Variants in SLC15A5 observed in about 807,000 individuals in gnomAD.
SLC15A5 encodes the protein solute carrier family 15 member 5.
SLC15A5 carries 58 observed loss-of-function variants against 56.1 expected under a neutral mutation model. That is an observed-to-expected ratio of 1.03 (90% CI 0.84 to 1.29). The LOEUF (loss-of-function observed/expected upper bound fraction) is 1.29, where lower values mean the gene tolerates loss of function less well. Ranked by LOEUF, SLC15A5 falls within the 50% of genes most tolerant of loss-of-function variation. SLC15A5 has a pLI of 0.00. For synonymous variants in SLC15A5, 264 were observed against 250.5 expected (o/e 1.05, Z -0.51); for missense variants, 681 against 672.1 (o/e 1.01, Z -0.15).
chr12:16,203,822 C>T (rs559286337), intron 7 of SLC15A5, among the ~76,000 whole-genome samples: 1 of 152,220 alleles, frequency 6.6e-6, no homozygotes, highest in Non-Finnish European at 1.5e-5. Flanking sequence ...AACTGAAATA[C>T]TCTTATAAAT....
At chr12:16,234,397 T>A (rs1470219324) in intron 5 of SLC15A5, among the ~76,000 whole-genome samples, 2 of 152,218 alleles carry the variant, frequency 1.3e-5, no homozygotes. Flanking sequence ...GATCTATGTT[T>A]GCTTCTTATT....
chr12:16,233,178 T>C (rs1864314702), intron 5 of SLC15A5, among the ~76,000 whole-genome samples: 1 of 152,178 alleles, frequency 6.6e-6, no homozygotes, highest in African/African-American at 2.4e-5. Context: ...ATTTTTTTGA[T>C]TGTTACTTGT....
At chr12:16,194,309 C>G (rs1020564776) in intron 8 of SLC15A5, 36 bp downstream of exon 8, 31 of 1,380,496 alleles carry the variant, frequency 2.2e-5, no homozygotes, top group Non-Finnish European at 2.8e-5. Flanking sequence ...ATTTCATGGA[C>G]TCAGAAATTT....
At chr12:16,202,660 A>T (rs763662895) in intron 7 of SLC15A5, among the ~76,000 whole-genome samples, 18 of 152,136 alleles carry the variant, frequency 1.2e-4, no homozygotes, top group African/African-American at 4.1e-4. Flanking sequence ...AAATTTTAGG[A>T]TACTCTCAGT....
chr12:16,255,216 G>A (rs1864558608), intron 3 of SLC15A5, among the ~76,000 whole-genome samples: 1 of 151,916 alleles, frequency 6.6e-6, no homozygotes, highest in South Asian at 2.1e-4. Flanking sequence ...GATAAAGATG[G>A]TAAATTTTAT....
At chr12:16,219,291 A>G (rs981396274) in intron 6 of SLC15A5, among the ~76,000 whole-genome samples, 7 of 152,168 alleles carry the variant, frequency 4.6e-5, no homozygotes, top group African/African-American at 9.6e-5. Context: ...TGTAGTACCA[A>G]TCACCAGCAG....
chr12:16,192,165 T>G (rs547261527), intron 8 of SLC15A5, among the ~76,000 whole-genome samples: 73 of 152,158 alleles, frequency 4.8e-4, no homozygotes, highest in Middle Eastern at 3.4e-3. Context: ...AAGAAGGTGG[T>G]GGGGAGTAAG....
chr12:16,236,946 A>G (rs1425628040), intron 5 of SLC15A5, among the ~76,000 whole-genome samples: 3 of 152,226 alleles, frequency 2.0e-5, no homozygotes, highest in East Asian at 3.8e-4. Context: ...CCTTAAAATT[A>G]GAAAACCTGT....
At chr12:16,259,320 T>A (rs1864615854) in intron 2 of SLC15A5, among the ~76,000 whole-genome samples, 1 of 151,610 alleles carries the variant, frequency 6.6e-6, no homozygotes, top group Admixed American at 6.6e-5. Context: ...CTTCATTCTT[T>A]CCTTCCCTCC....
intron 3 of SLC15A5, among the ~76,000 whole-genome samples, chr12:16,247,632 G>A (rs529370354): frequency 7.9e-5 from 12 of 152,138 alleles, no homozygotes; most frequent in South Asian, 4.2e-4. Flanking sequence ...GCAAAGAGAC[G>A]TAGGAAACAT....
intron 5 of SLC15A5, among the ~76,000 whole-genome samples, chr12:16,228,683 A>G (rs1056079604): frequency 2.6e-5 from 4 of 152,216 alleles, no homozygotes; most frequent in Non-Finnish European, 1.5e-5. Flanking sequence ...GTGTGAAGAC[A>G]GTGAAGTTAA....
intron 2 of SLC15A5, among the ~76,000 whole-genome samples, chr12:16,259,023 CCTTTTTTTTT>C (rs1864611089): frequency 2.1e-5 from 1 of 48,258 alleles, no homozygotes; most frequent in African/African-American, 7.5e-5. Flanking sequence ...TTCTTTCTTT[CCTTTTTTTTT>C]TTTTTTTTTT....
chr12:16,271,374 G>C lies in SLC15A5; in HGVS notation c.584+1187C>G, dbSNP rs1434809001. Among the ~76,000 whole-genome samples, 3 of 152,006 alleles carry C rather than the reference G, an allele frequency of 2.0e-5. No homozygotes were observed. Among genetic ancestry groups the C allele is most frequent in the Non-Finnish European group, 2.9e-5 (2 of 68,002 alleles). ...TAATCAAAATGATGTTGCTAATTAA[G>C]GATTAAAACCTCCGAATAGAATAAA... is the stretch of plus-strand genomic sequence containing the variant. On this transcript the variant is annotated intron_variant, in intron 2 of 8. Transcript: ENST00000344941. This position sits in a 1 kb window ranked among gnomAD's most constrained non-coding sequence, Gnocchi z 8.0.
chr12:16,274,463 CA>C (rs1372630265), intron 1 of SLC15A5, among the ~76,000 whole-genome samples: 2 of 152,054 alleles, frequency 1.3e-5, no homozygotes, highest in Non-Finnish European at 2.9e-5. Context: ...TTTGTTTTCT[CA>C]ATTAGATTAT....
At chr12:16,214,757 T>C (rs1343964080) in intron 7 of SLC15A5, among the ~76,000 whole-genome samples, 1 of 152,180 alleles carries the variant, frequency 6.6e-6, no homozygotes, top group East Asian at 1.9e-4. Flanking sequence ...TAATAAACAG[T>C]AATTATAAAT....
chr12:16,247,526 A>C (rs973974916), intron 3 of SLC15A5, among the ~76,000 whole-genome samples: 1 of 152,124 alleles, frequency 6.6e-6, no homozygotes, highest in Non-Finnish European at 1.5e-5. Context: ...CTATGATGAA[A>C]ACACAGTGGG....
At chr12:16,241,806 A>G (rs1864416834) in intron 4 of SLC15A5, among the ~76,000 whole-genome samples, 1 of 146,230 alleles carries the variant, frequency 6.8e-6, no homozygotes, top group African/African-American at 2.6e-5. Flanking sequence ...TATTATCGGC[A>G]TGAATCACAG....
Position 16,244,715 on chromosome 12 carries a change from C to T in SLC15A5, c.840G>A (p.Val280=). Residue 280 remains valine, a synonymous_variant, in exon 4 of 9, where the codon GTG becomes GTA. Coordinates refer to ENST00000344941, the MANE Select transcript of SLC15A5 (RefSeq NM_001170798.1). ...HPQYCHLGRD[V]TSQLDHAKEK... is the part of the protein sequence containing the mutation. Reference sequence around the variant, plus strand: ...CTTTGGCATGGTCTAACTGGCTTGTCACGTCTCTGCCAAGATGGCAGTATT... The same window carrying T: ...CTTTGGCATGGTCTAACTGGCTTGTTACGTCTCTGCCAAGATGGCAGTATT... 1 of 1,537,566 alleles carries T rather than the reference C, an allele frequency of 6.5e-7. No individual in the cohort carries two copies. The highest frequency in any genetic ancestry group is 8.7e-7 in the Non-Finnish European group (1 of 1,146,996).
At position 16,277,386 on chromosome 12, in the gene SLC15A5, G is replaced by A. The variant is rs760454612; in HGVS notation, c.300C>T (p.Leu100=). 1.7e-5 allele frequency: 26 copies of A among 1,536,012 alleles called. No homozygotes were observed. Among genetic ancestry groups the A allele is most frequent in the Middle Eastern group, 1.7e-4 (1 of 6,006 alleles). ...TGTTTCTTCCTAAATAGACATCAGT[G>A]AGCCATCTGACAAACACAGGGGTAA... is the stretch of plus-strand genomic sequence containing the variant. ...SILTPVFVRW[L]TDVYLGRNKL... Residue 100 remains leucine (L), a synonymous_variant, in exon 1 of 9, where the codon CTC becomes CTT. Coordinates refer to ENST00000344941, the MANE Select transcript of SLC15A5 (RefSeq NM_001170798.1).
Sources: allele counts gnomAD v4.1 joint callset (sites outside exome capture counted in the v4.1 genomes callset), GRCh38; gene constraint gnomAD v4.1.1; non-coding constraint Gnocchi (gnomAD v3.1); transcripts MANE v1.5; gene names NCBI Gene and HGNC (gene_info 2026-07-23, HGNC 2026-07-21).